WDR91: variants seen among roughly 807,000 people sequenced by gnomAD.
WDR91 encodes the protein WD repeat-containing protein 91.
A neutral mutation model predicts 88.4 loss-of-function variants in WDR91; 52 were observed. The observed-to-expected ratio is 0.59, with a 90% CI of 0.47 to 0.74. The LOEUF (loss-of-function observed/expected upper bound fraction) is 0.74, where lower values mean the gene tolerates loss of function less well. Among genes scored for constraint, WDR91 ranks in the 30% least tolerant of loss-of-function variants. The pLI, the probability that WDR91 is intolerant of heterozygous loss-of-function variation, is 0.00. For missense variants in WDR91, 824 were observed against 954.5 expected (o/e 0.86, Z 1.80); for synonymous variants, 362 against 389.5 (o/e 0.93, Z 0.83).
intron 14 of WDR91, 126 bp downstream of exon 14, chr7:135,186,846 A>G (rs1439254368): frequency 3.5e-6 from 4 of 1,148,588 alleles, no homozygotes; most frequent in Non-Finnish European, 3.8e-6. Flanking sequence ...ATCCTTTGTC[A>G]AAGGCATCTC....
In WDR91 at chr7:135,194,893, C is replaced by A. The variant is rs368524115; in HGVS notation, c.1395+41G>T. ...TGGAGAACCCTGGGGAATTCCTCCA[C>A]TGAGCCAGCAAAGCGGGCCCCACAG... On this transcript the variant is annotated intron_variant, in intron 9 of 14. Transcript: ENST00000354475. 1.4e-5 allele frequency: 22 copies of A among 1,608,874 alleles called. No homozygotes were observed. The African/African-American group carries it at 2.9e-4, about 21-fold the overall frequency.
intron 13 of WDR91, among the ~76,000 whole-genome samples, chr7:135,188,152 A>T (rs1831022559): frequency 6.6e-6 from 1 of 152,202 alleles, no homozygotes; most frequent in Admixed American, 6.5e-5. Context: ...TACCAAGCCC[A>T]GCAAAGCAAA....
chr7:135,194,254 G>T (rs1042018919), intron 9 of WDR91, among the ~76,000 whole-genome samples: 1 of 152,246 alleles, frequency 6.6e-6, no homozygotes, highest in Admixed American at 6.5e-5. Flanking sequence ...GTCTGAGGGT[G>T]TCTCACAGGA....
chr7:135,195,305 G>C (rs919430472), intron 8 of WDR91, among the ~76,000 whole-genome samples: 1 of 152,212 alleles, frequency 6.6e-6, no homozygotes, highest in Non-Finnish European at 1.5e-5. Context: ...GGAGCTTTTG[G>C]TCAATTCTGG....
chr7:135,193,218 G>T lies in WDR91; in HGVS notation c.1659+13C>A. On this transcript the variant is annotated intron_variant, in intron 11 of 14. Transcript: ENST00000354475. ...TGCCTGGCCCCAGAGAGAGCCACAG[G>T]GCAGGCCCGTACCTGCTGCTTCATG... is the stretch of plus-strand genomic sequence containing the variant. The T allele has an allele frequency of 6.2e-7, 1 of 1,612,914 alleles. No individual in the cohort carries two copies. The highest frequency in any genetic ancestry group is 1.1e-5 in the South Asian group (1 of 91,002).
chr7:135,204,468 G>A, intron 5 of WDR91, 35 bp from the exon 6 acceptor site: 2 of 1,607,194 alleles, frequency 1.2e-6, no homozygotes, highest in Non-Finnish European at 1.7e-6. Context: ...TCAGAGGGCT[G>A]AAACAGGATG....
chr7:135,205,120 A>T (rs1469436023), intron 5 of WDR91, among the ~76,000 whole-genome samples: 1 of 92,962 alleles, frequency 1.1e-5, no homozygotes, highest in East Asian at 2.7e-4. Flanking sequence ...CACTACTATT[A>T]TTATCACCAG....
Position 135,186,600 on chromosome 7 carries a change from T to C in WDR91, c.2080-285A>G, listed in dbSNP as rs112172411. Among the ~76,000 whole-genome samples, 260 of 152,358 alleles carry C rather than the reference T, an allele frequency of 1.7e-3. 4 individuals are homozygous for C. Among genetic ancestry groups the C allele is most frequent in the African/African-American group, 5.7e-3 (236 of 41,582 alleles). On this transcript the variant is annotated intron_variant, in intron 14 of 14. Transcript: ENST00000354475. ...TGGTGCCTCTTGCACGCACACTGGTTGTTCTCACTACAGCATCACTTCTCA... is the reference window on the plus strand; with the variant it reads ...TGGTGCCTCTTGCACGCACACTGGTCGTTCTCACTACAGCATCACTTCTCA...
chr7:135,187,415 G>C (rs1830989809), intron 13 of WDR91, among the ~76,000 whole-genome samples: 1 of 152,232 alleles, frequency 6.6e-6, no homozygotes, highest in South Asian at 2.1e-4. Flanking sequence ...TAGAAAAAGA[G>C]GCAGCAACCT....
chr7:135,188,305 A>G, intron 13 of WDR91, 128 bp downstream of exon 13: 1 of 711,552 alleles, frequency 1.4e-6, no homozygotes, highest in Non-Finnish European at 2.5e-6. Context: ...GTTTATCCCT[A>G]TTCTACAGAT....
intron 1 of WDR91, among the ~76,000 whole-genome samples, chr7:135,210,178 C>T (rs967467617): frequency 2.0e-5 from 3 of 152,078 alleles, no homozygotes; most frequent in Non-Finnish European, 4.4e-5. Context: ...GGTGAAACCC[C>T]GACTCTACTA....
At chr7:135,195,211 T>C in intron 8 of WDR91, 127 bp from the exon 9 acceptor site, 6 of 936,028 alleles carry the variant, frequency 6.4e-6, no homozygotes, top group Non-Finnish European at 9.5e-6. Context: ...GAGGTCTACA[T>C]TCAAAGGACT....
intron 3 of WDR91, 134 bp downstream of exon 3, chr7:135,208,657 C>T (rs954976366): frequency 1.4e-6 from 1 of 722,748 alleles, no homozygotes; most frequent in African/African-American, 1.8e-5. Flanking sequence ...TGTCCAGCCC[C>T]CTCATGTGAC....
Position 135,187,080 on chromosome 7 carries a change from T to G in WDR91, c.1971A>C (p.Gly657=). ...CTTGAACCTGCTTGTAGCCGCTGTATCCAGACAGCACAAAGGGGCCCGTGG... is the reference window on the plus strand; with the variant it reads ...CTTGAACCTGCTTGTAGCCGCTGTAGCCAGACAGCACAAAGGGGCCCGTGG... ...SDATGPFVLS[G]YSGYKQVQVP... The change falls in exon 14 of 15, where the codon GGA becomes GGC. Residue 657 remains glycine, a synonymous_variant. Coordinates refer to ENST00000354475, the MANE Select transcript of WDR91 (RefSeq NM_014149.4). 6.2e-7 allele frequency: 1 copy of G among 1,614,198 alleles called. No homozygotes were observed. The highest frequency in any genetic ancestry group is 8.5e-7 in the Non-Finnish European group (1 of 1,180,042).
At position 135,196,466 on chromosome 7, in the gene WDR91, G is replaced by C. The variant is rs1415065012; in HGVS notation, c.1051-129C>G. The C allele has an allele frequency of 2.2e-6, 2 of 909,558 alleles. No homozygotes were observed. The highest frequency in any genetic ancestry group is 3.1e-6 in the Non-Finnish European group (2 of 642,374). 56.3% of individuals were successfully genotyped at this position (909,558 alleles called of 1,614,324 possible). A position where few individuals can be genotyped will look rare whatever the true frequency, so the allele number is the denominator to read the frequency against. On this transcript the variant is annotated intron_variant, in intron 7 of 14. Transcript: ENST00000354475. The surrounding 1 kb of genome is among the most constrained non-coding windows in gnomAD (Gnocchi z 4.2). ...CTCGGTAATTACAGAGTGGAGAGGAGAGCTCTGACCTGCGAGGGTAGTGCT... is the reference window on the plus strand; with the variant it reads ...CTCGGTAATTACAGAGTGGAGAGGACAGCTCTGACCTGCGAGGGTAGTGCT...
chr7:135,201,214 T>C (rs292589), intron 6 of WDR91, among the ~76,000 whole-genome samples: 105,257 of 151,950 alleles, frequency 0.69, 37,207 homozygotes, highest in Admixed American at 0.81. Context: ...TTCTTGCTGG[T>C]GGGAAGGATG....
intron 11 of WDR91, 103 bp from the exon 12 acceptor site, chr7:135,189,555 C>T: frequency 1.2e-6 from 1 of 844,326 alleles, no homozygotes; most frequent in Non-Finnish European, 1.9e-6. Context: ...TTTCCACCAG[C>T]TCCTCCCTTA....
intron 8 of WDR91, among the ~76,000 whole-genome samples, chr7:135,195,482 G>A (rs549228586): frequency 1.3e-5 from 2 of 152,292 alleles, no homozygotes; most frequent in East Asian, 3.9e-4. Flanking sequence ...TGCCCCACCA[G>A]GGTTTGTTCT....
At chr7:135,204,049 T>G (rs954624446) in intron 6 of WDR91, among the ~76,000 whole-genome samples, 2 of 152,194 alleles carry the variant, frequency 1.3e-5, no homozygotes, top group African/African-American at 4.8e-5. Flanking sequence ...TACAGTCTAA[T>G]CTAGATTCTC....
Sources: gnomAD v4.1 joint callset for allele counts (sites outside exome capture counted in the v4.1 genomes callset) on GRCh38, gnomAD v4.1.1 for gene constraint, Gnocchi (gnomAD v3.1) non-coding constraint, MANE v1.5 for transcripts, NCBI Gene and HGNC (gene_info 2026-07-23, HGNC 2026-07-21) for gene names.